SWT1: variants seen among roughly 807,000 people sequenced by gnomAD.
SWT1 encodes transcriptional protein SWT1.
SWT1 carries 33 observed loss-of-function variants against 107.3 expected under a neutral mutation model. The ratio of observed to expected loss-of-function variants is 0.31; its 90% CI spans 0.23 to 0.41. SWT1 has a LOEUF of 0.41. Among genes scored for constraint, SWT1 ranks in the 10% least tolerant of loss-of-function variants. The pLI is 1.00. For missense variants in SWT1, 898 were observed against 1,028.9 expected, an observed-to-expected ratio of 0.87 and a Z score of 1.74; for synonymous variants, 345 against 348.3, an observed-to-expected ratio of 0.99 and a Z score of 0.11.
At chr1:185,192,829 G>T (rs531806158) in intron 10 of SWT1, among the ~76,000 whole-genome samples, 160 of 151,714 alleles carry the variant, frequency 1.1e-3, no homozygotes, top group Middle Eastern at 6.8e-3. Flanking sequence ...TGTATTTTTA[G>T]TAGAGATGGG....
chr1:185,202,106 C>A (rs1416517378), intron 10 of SWT1, among the ~76,000 whole-genome samples: 1 of 152,118 alleles, frequency 6.6e-6, no homozygotes, highest in Non-Finnish European at 1.5e-5. Context: ...CCTTAAGTTT[C>A]CTGTTTTTTA....
intron 4 of SWT1, among the ~76,000 whole-genome samples, chr1:185,170,594 C>G (rs1654965028): frequency 6.6e-6 from 1 of 152,178 alleles, no homozygotes; most frequent in Non-Finnish European, 1.5e-5. Flanking sequence ...TCTGGAAGCT[C>G]TATTCCTCTA....
chr1:185,256,194 C>G (rs1465137692), intron 16 of SWT1, among the ~76,000 whole-genome samples: 1 of 151,846 alleles, frequency 6.6e-6, no homozygotes, highest in East Asian at 2.0e-4. Flanking sequence ...CCCGACCTTT[C>G]TCTCTGGCTG....
chr1:185,175,000 G>T lies in SWT1; in HGVS notation c.853G>T (p.Glu285Ter). ...ATTAAATGTGACTAGGCAGAAAACT[G>T]AACATTTACTTTCAGATTTTACATA... is the stretch of plus-strand genomic sequence containing the variant. ...VSLNVTRQKT[E>*]HLLSDFTYKR... is the part of the protein sequence containing the mutation. The change falls in exon 5 of 19, where the codon GAA (glutamate) becomes TAA (stop). Residue 285 changes from glutamate to a stop codon, truncating the protein, a stop_gained. Coordinates refer to ENST00000367500, the MANE Select transcript of SWT1 (RefSeq NM_017673.7). LOFTEE classifies it high-confidence loss of function. The T allele has an allele frequency of 6.2e-7, 1 of 1,613,728 alleles. No homozygotes were observed. Among genetic ancestry groups the T allele is most frequent in the South Asian group, 1.1e-5 (1 of 90,980 alleles).
chr1:185,167,755 A>AC (rs1156755647), intron 3 of SWT1, among the ~76,000 whole-genome samples: 1 of 152,016 alleles, frequency 6.6e-6, no homozygotes, highest in Non-Finnish European at 1.5e-5. Context: ...CTGAATTTAT[A>AC]CCAGTTATCC....
At chr1:185,215,876 G>A (rs1289700193) in intron 14 of SWT1, among the ~76,000 whole-genome samples, 1 of 152,072 alleles carries the variant, frequency 6.6e-6, no homozygotes, top group African/African-American at 2.4e-5. Context: ...AGAGTTTTAT[G>A]TAGCATAAAC....
chr1:185,190,695 T>A, intron 10 of SWT1, 53 bp downstream of exon 10: 1 of 1,158,358 alleles, frequency 8.6e-7, no homozygotes, highest in African/African-American at 1.6e-5. Flanking sequence ...ACCAAATAAT[T>A]TAAAAAAATC....
chr1:185,287,250 T>C (rs550881941), intron 18 of SWT1, among the ~76,000 whole-genome samples: 1 of 152,312 alleles, frequency 6.6e-6, no homozygotes, highest in South Asian at 2.1e-4. Context: ...AATTGTATGA[T>C]AAAATTTCTA....
chr1:185,234,565 A>G (rs749438455), intron 16 of SWT1, among the ~76,000 whole-genome samples: 3 of 152,130 alleles, frequency 2.0e-5, no homozygotes, highest in Non-Finnish European at 4.4e-5. Context: ...TCTTTATCCA[A>G]TTAGCCAGTC....
At chr1:185,172,083 C>G (rs971712945) in intron 4 of SWT1, among the ~76,000 whole-genome samples, 2 of 152,224 alleles carry the variant, frequency 1.3e-5, no homozygotes, top group African/African-American at 4.8e-5. Context: ...AAGACTCTAT[C>G]TGCTGTGTCC....
intron 13 of SWT1, among the ~76,000 whole-genome samples, chr1:185,210,152 T>C (rs561864524): frequency 6.6e-6 from 1 of 152,330 alleles, no homozygotes; most frequent in East Asian, 1.9e-4. Flanking sequence ...TTGCAAAAAT[T>C]TTCTCCCATT....
In SWT1 at chr1:185,190,662, G is replaced by T; in HGVS notation, c.1523+20G>T. Reference sequence around the variant, plus strand: ...GTGCACGTGAGTTTCATAGTCATTTGACTTTTTATTTTTAAAAAATAAACC... The same window carrying T: ...GTGCACGTGAGTTTCATAGTCATTTTACTTTTTATTTTTAAAAAATAAACC... On this transcript the variant is annotated intron_variant, in intron 10 of 18. Coordinates refer to ENST00000367500, the MANE Select transcript of SWT1 (RefSeq NM_017673.7). 1 of 1,423,752 alleles carries T rather than the reference G, an allele frequency of 7.0e-7. No homozygotes were observed. Among genetic ancestry groups the T allele is most frequent in the South Asian group, 1.2e-5 (1 of 82,568 alleles). The allele number at this position is 1,423,752 out of a possible 1,614,324, so 88.2% of individuals were successfully genotyped here.
chr1:185,267,086 AT>A (rs1463369502), intron 16 of SWT1, among the ~76,000 whole-genome samples: 1 of 152,148 alleles, frequency 6.6e-6, no homozygotes, highest in Non-Finnish European at 1.5e-5. Flanking sequence ...ACCCAAAGAG[AT>A]TTGGATACCT....
intron 18 of SWT1, among the ~76,000 whole-genome samples, chr1:185,286,968 T>G (rs141583872): frequency 6.6e-6 from 1 of 152,212 alleles, no homozygotes; most frequent in African/African-American, 2.4e-5. Context: ...TATATACTGC[T>G]TTTATATTTG....
intron 14 of SWT1, among the ~76,000 whole-genome samples, chr1:185,217,572 C>CTTCCCTCCCTCCCTCT (rs560363220): frequency 6.6e-6 from 1 of 151,404 alleles, no homozygotes; most frequent in African/African-American, 2.4e-5. Context: ...TTGTATATTC[C>CTTCCCTCCCTCCCTCT]TTCCCTCCCT....
intron 18 of SWT1, among the ~76,000 whole-genome samples, chr1:185,288,792 C>G (rs760462425): frequency 1.4e-4 from 21 of 152,058 alleles, no homozygotes; most frequent in Admixed American, 3.9e-4. Context: ...TTCTTTGACA[C>G]TTTGAATTCT....
At position 185,184,629 on chromosome 1, in the gene SWT1, A is replaced by G. The variant is rs541222415; in HGVS notation, c.1241-114A>G. ...ATATATTGTCTCTCAATTTATTGTG[A>G]ATTTCCTAAAGGTAGGGACTGTGTG... is the stretch of plus-strand genomic sequence containing the variant. On this transcript the variant is annotated intron_variant, in intron 8 of 18. Transcript: ENST00000367500. 2.6e-4 allele frequency: 169 copies of G among 640,172 alleles called. No individual in the cohort carries two copies. The African/African-American group carries it at 2.9e-3, about 11-fold the overall frequency. The allele number at this position is 640,172 out of a possible 1,614,324, so 39.7% of individuals were successfully genotyped here. A position where few individuals can be genotyped will look rare whatever the true frequency, so the allele number is the denominator to read the frequency against.
rs955071540 is a variant in SWT1 at position 185,221,837 on chromosome 1, T to G, written c.2122-12T>G. 3 of 1,531,042 alleles carry G rather than the reference T, an allele frequency of 2.0e-6. No homozygotes were observed. In the African/African-American group the frequency reaches 4.2e-5, roughly 21 times the overall value. The allele number at this position is 1,531,042 out of a possible 1,614,324, so 94.8% of individuals were successfully genotyped here. On this transcript the variant is annotated splice_polypyrimidine_tract_variant and intron_variant, in intron 14 of 18. Transcript: ENST00000367500. ...GAACTAGCTGCATTTTATGTAATTC[T>G]TATTTCCCCAGGTCAAGACAAAACT... is the stretch of plus-strand genomic sequence containing the variant.
chr1:185,286,068 C>T (rs1353962415), intron 18 of SWT1, among the ~76,000 whole-genome samples: 1 of 152,132 alleles, frequency 6.6e-6, no homozygotes, highest in Non-Finnish European at 1.5e-5. Flanking sequence ...ATCAGCTTTT[C>T]TGTTTCTACA....
Sources: allele counts gnomAD v4.1 joint callset (sites outside exome capture counted in the v4.1 genomes callset), GRCh38; gene constraint gnomAD v4.1.1; transcripts MANE v1.5; gene names NCBI Gene and HGNC (gene_info 2026-07-23, HGNC 2026-07-21).